Variants in MYO6 observed in about 807,000 individuals in gnomAD.
MYO6 encodes myosin VI.
In MYO6, 74 loss-of-function variants were observed where a neutral mutation model predicts 178.7. The ratio of observed to expected loss-of-function variants is 0.41; its 90% CI spans 0.34 to 0.50. The LOEUF (loss-of-function observed/expected upper bound fraction) is 0.50, where lower values mean the gene tolerates loss of function less well. Among genes scored for constraint, MYO6 ranks in the 20% least tolerant of loss-of-function variants. The pLI is 0.09. For synonymous variants in MYO6, 477 were observed against 504.6 expected, an observed-to-expected ratio of 0.95 and a Z score of 0.73; for missense variants, 1,330 against 1,547.4, an observed-to-expected ratio of 0.86 and a Z score of 2.36.
In MYO6 at chr6:75,908,465, A is replaced by G. The variant is rs990206810; in HGVS notation, c.3281-31A>G. 4.1e-5 allele frequency: 49 copies of G among 1,192,354 alleles called. No homozygotes were observed. The East Asian group carries it at 8.3e-4, about 20-fold the overall frequency. The allele number at this position is 1,192,354 out of a possible 1,614,324, so 73.9% of individuals were successfully genotyped here. ...GTTAGACGAATAAATTAACATGTCA[A>G]TTTTTTTTTTTTGCTCAATGTAATC... On this transcript the variant is annotated intron_variant, in intron 31 of 34. Coordinates refer to ENST00000369977, the MANE Select transcript of MYO6 (RefSeq NM_004999.4).
intron 7 of MYO6, among the ~76,000 whole-genome samples, chr6:75,837,742 TAC>T (rs1320071300): frequency 6.6e-6 from 1 of 152,254 alleles, no homozygotes; most frequent in Admixed American, 6.5e-5. Context: ...TAGTTTCATT[TAC>T]AGTTTTTATG....
chr6:75,815,306 T>G (rs1313670255), intron 1 of MYO6, among the ~76,000 whole-genome samples: 2 of 151,412 alleles, frequency 1.3e-5, no homozygotes, highest in Non-Finnish European at 2.9e-5. Context: ...GTTAGTGCCT[T>G]CACTGATACT....
chr6:75,874,576 C>G (rs1349715134), intron 20 of MYO6, among the ~76,000 whole-genome samples: 1 of 152,200 alleles, frequency 6.6e-6, no homozygotes, highest in Non-Finnish European at 1.5e-5. Context: ...TAGGGGTTGC[C>G]TCTCTGCCTG....
Position 75,783,636 on chromosome 6 carries a change from G to A in MYO6, c.-47-33865G>A, listed in dbSNP as rs1030436982. Among the ~76,000 whole-genome samples the A allele has an allele frequency of 2.7e-5, 4 of 150,648 alleles. 1 individual carries two copies. The highest frequency in any genetic ancestry group is 1.3e-4 in the Admixed American group (2 of 15,176). On this transcript the variant is annotated intron_variant, in intron 1 of 34. Transcript: ENST00000369977. ...ACATACCATAATTAGTAAGGGCCTC[G>A]GGCTGTGTCTAAAAGGTCAATAACA... is the stretch of plus-strand genomic sequence containing the variant.
rs1314113448 is a variant in MYO6, at chr6:75,836,085, T to C, written c.553+129T>C. On this transcript the variant is annotated intron_variant, in intron 7 of 34. Transcript: ENST00000369977. Reference sequence around the variant, plus strand: ...TATCTCCTACTAATCATTGCTCATATATCATCTTGTTATTTACCTAATATC... The same window carrying C: ...TATCTCCTACTAATCATTGCTCATACATCATCTTGTTATTTACCTAATATC... 7.8e-5 allele frequency: 57 copies of C among 728,364 alleles called. No homozygotes were observed. The East Asian group carries it at 1.5e-3, about 19-fold the overall frequency. The allele number at this position is 728,364 out of a possible 1,614,324, so 45.1% of individuals were successfully genotyped here. A position where few individuals can be genotyped will look rare whatever the true frequency, so the allele number is the denominator to read the frequency against.
intron 1 of MYO6, among the ~76,000 whole-genome samples, chr6:75,799,596 G>T (rs1447112227): frequency 1.3e-5 from 2 of 152,064 alleles, no homozygotes; most frequent in East Asian, 3.9e-4. Context: ...TGTAAAGCAA[G>T]AAAATATTTA....
At chr6:75,767,955 GGTTGGT>G (rs1402670145) in intron 1 of MYO6, 1 of 152,196 alleles carries the variant, frequency 6.6e-6, no homozygotes, top group Non-Finnish European at 1.5e-5. Flanking sequence ...TTGTTGCCCA[GGTTGGT>G]CTTAACTCCG....
chr6:75,869,777 A>G (rs770383392), intron 18 of MYO6, among the ~76,000 whole-genome samples: 67 of 152,308 alleles, frequency 4.4e-4, no homozygotes, highest in Non-Finnish European at 7.9e-4. Flanking sequence ...TTTTGAGAAA[A>G]TTGTCCAAGC....
In MYO6 at chr6:75,911,541, A is replaced by G. The variant is rs557181285; in HGVS notation, c.3413-131A>G. On this transcript the variant is annotated intron_variant, in intron 32 of 34. Transcript: ENST00000369977. The stretch of plus-strand genomic sequence containing the variant: ...CCTGCTTTTAGGTAATTCTGAGAAT[A>G]TTTGGCTTGTGGATAGGATATTTAC... 5.3e-4 allele frequency: 404 copies of G among 764,640 alleles called. 1 individual carries two copies. Among genetic ancestry groups the G allele is most frequent in the Non-Finnish European group, 8.3e-4 (373 of 447,280 alleles). 47.4% of individuals were successfully genotyped at this position (764,640 alleles called of 1,614,324 possible). A position where few individuals can be genotyped will look rare whatever the true frequency, so the allele number is the denominator to read the frequency against.
At chr6:75,796,051 CCAGT>C (rs1207033794) in intron 1 of MYO6, among the ~76,000 whole-genome samples, 1 of 151,974 alleles carries the variant, frequency 6.6e-6, no homozygotes, top group African/African-American at 2.4e-5. Flanking sequence ...TTTGAAATAC[CCAGT>C]CAGTTATTAA....
chr6:75,853,898 C>A (rs945275746), intron 11 of MYO6, among the ~76,000 whole-genome samples: 4 of 151,498 alleles, frequency 2.6e-5, no homozygotes, highest in Non-Finnish European at 2.9e-5. Flanking sequence ...CATACATAAC[C>A]TCATTAATCT....
In MYO6 at chr6:75,916,721, GT is replaced by G. The variant is rs1314020633; in HGVS notation, c.*1715del. 1.3e-5 allele frequency: 2 copies of G among 152,208 alleles called. No individual in the cohort carries two copies. The highest frequency in any genetic ancestry group is 6.6e-5 in the Admixed American group (1 of 15,264). 9.4% of individuals were successfully genotyped at this position (152,208 alleles called of 1,614,324 possible). A position where few individuals can be genotyped will look rare whatever the true frequency, so the allele number is the denominator to read the frequency against. ...TTGAACAAAATTTAGTAGCCAAATTGTTTTTTAATGACATGTCTCTTTAGTA... is the reference window on the plus strand; with the variant it reads ...TTGAACAAAATTTAGTAGCCAAATTGTTTTTAATGACATGTCTCTTTAGTA... On this transcript the variant is annotated 3_prime_UTR_variant, in exon 35 of 35. Coordinates refer to ENST00000369977, the MANE Select transcript of MYO6 (RefSeq NM_004999.4).
chr6:75,842,820 C>T (rs1457019237), intron 9 of MYO6, among the ~76,000 whole-genome samples: 1 of 152,150 alleles, frequency 6.6e-6, no homozygotes, highest in East Asian at 1.9e-4. Flanking sequence ...TCTAGCATTT[C>T]TTCCTGCTTG....
chr6:75,896,596 T>G (rs185179069), intron 29 of MYO6, among the ~76,000 whole-genome samples: 1 of 152,340 alleles, frequency 6.6e-6, no homozygotes, highest in Non-Finnish European at 1.5e-5. Context: ...CATGTATAAC[T>G]TTGTTTACAT....
intron 28 of MYO6, among the ~76,000 whole-genome samples, chr6:75,893,170 G>C (rs2149375519): frequency 6.6e-6 from 1 of 152,186 alleles, no homozygotes; most frequent in East Asian, 1.9e-4. Context: ...CAGAATAAAT[G>C]AGTTTCCCTT....
intron 18 of MYO6, 115 bp downstream of exon 18, chr6:75,867,220 A>G: frequency 2.4e-6 from 2 of 829,296 alleles, no homozygotes. Flanking sequence ...GTTCAAGAGC[A>G]GACCCTGCAT....
chr6:75,829,255 T>G (rs1772821313), intron 4 of MYO6, among the ~76,000 whole-genome samples: 1 of 152,160 alleles, frequency 6.6e-6, no homozygotes, highest in Non-Finnish European at 1.5e-5. Flanking sequence ...GATGGATACT[T>G]AACCTAGTAT....
At chr6:75,797,601 T>C (rs1349245394) in intron 1 of MYO6, among the ~76,000 whole-genome samples, 5 of 152,148 alleles carry the variant, frequency 3.3e-5, no homozygotes, top group Admixed American at 3.3e-4. Context: ...TGGCATGATC[T>C]TGGCTCAGTG....
chr6:75,889,369 A>G (rs768345450), intron 25 of MYO6, among the ~76,000 whole-genome samples: 3 of 152,240 alleles, frequency 2.0e-5, no homozygotes, highest in Non-Finnish European at 2.9e-5. Flanking sequence ...TTATTCTAAA[A>G]TAGTAGTAAA....
Sources: allele counts gnomAD v4.1 joint callset (sites outside exome capture counted in the v4.1 genomes callset), GRCh38; gene constraint gnomAD v4.1.1; transcripts MANE v1.5; gene names NCBI Gene and HGNC (gene_info 2026-07-23, HGNC 2026-07-21).